The following ODAPH variants were observed in gnomAD, a reference collection of about 807,000 sequenced individuals.
ODAPH encodes the protein amelogenesis imperfecta type IIA4.
In ODAPH, 2 loss-of-function variants were observed where a neutral mutation model predicts 2.8. The observed-to-expected ratio is 0.72, with a 90% CI of 0.30 to 2.28. The LOEUF (loss-of-function observed/expected upper bound fraction) is 2.28. Ranked by LOEUF, ODAPH falls within the 30% of genes most tolerant of loss-of-function variation. The pLI, the probability that ODAPH is intolerant of heterozygous loss-of-function variation, is 0.13. For synonymous variants in ODAPH, 75 were observed against 60.3 expected, an observed-to-expected ratio of 1.24 and a Z score of -1.13; for missense variants, 159 against 163.3, an observed-to-expected ratio of 0.97 and a Z score of 0.14.
At chr4:75,560,572 T>C (rs1727520029) in intron 1 of ODAPH, among the ~76,000 whole-genome samples, 1 of 152,212 alleles carries the variant, frequency 6.6e-6, no homozygotes, top group African/African-American at 2.4e-5. Context: ...AGGATCACCA[T>C]AGGTCTAGTT....
intron 1 of ODAPH, among the ~76,000 whole-genome samples, chr4:75,557,413 G>T (rs1429492529): frequency 6.6e-6 from 1 of 152,186 alleles, no homozygotes; most frequent in Non-Finnish European, 1.5e-5. Flanking sequence ...GCCGAGGTGG[G>T]CAGATCACCT....
chr4:75,563,993 A>C (rs1343923879), intron 1 of ODAPH, 121 bp from the exon 2 acceptor site: 4 of 875,286 alleles, frequency 4.6e-6, no homozygotes, highest in Non-Finnish European at 7.2e-6. Context: ...CAGTTCTTTC[A>C]AATATACATT....
intron 1 of ODAPH, among the ~76,000 whole-genome samples, chr4:75,561,451 A>ACAC (rs1560561089): frequency 6.6e-6 from 1 of 152,170 alleles, no homozygotes; most frequent in African/African-American, 2.4e-5. Context: ...CAAGGAACAG[A>ACAC]CACCCATTCA....
chr4:75,565,708 C>T (rs1319791835), downstream of ODAPH: 1 of 151,920 alleles, frequency 6.6e-6, no homozygotes, highest in Non-Finnish European at 1.5e-5. Flanking sequence ...GCACTTTTTC[C>T]TCCCAAGATC....
rs1462389593 is a variant in ODAPH, at chr4:75,556,086, G to T, written c.4G>T (p.Ala2Ser). The T allele has an allele frequency of 4.3e-6, 7 of 1,614,114 alleles. No homozygotes were observed. The highest frequency in any genetic ancestry group is 5.9e-6 in the Non-Finnish European group (7 of 1,179,978). ...CAGTGACTGCTCAGTAGAAGCCATG[G>T]CTCGCAGACACTGCTTCTCCTACTG... M[A>S]RRHCFSYWLL... The change falls in exon 1 of 2, where the codon GCT (alanine) becomes TCT (serine). Residue 2 changes from alanine to serine, a missense_variant. Physicochemically the swap from Ala to Ser is moderately conservative, Grantham distance 99. Transcript: ENST00000311623.
At chr4:75,565,324 A>G (rs1040706163), downstream of ODAPH, 2 of 152,160 alleles carry the variant, frequency 1.3e-5, no homozygotes, top group African/African-American at 4.8e-5. Flanking sequence ...AAACTATAGT[A>G]TCTAAATTTA....
chr4:75,557,844 A>T (rs1427543841), intron 1 of ODAPH, among the ~76,000 whole-genome samples: 1 of 152,178 alleles, frequency 6.6e-6, no homozygotes, highest in African/African-American at 2.4e-5. Flanking sequence ...TCACTGATGC[A>T]CGGCAGCAAC....
intron 1 of ODAPH, among the ~76,000 whole-genome samples, chr4:75,561,993 A>G (rs1346542441): frequency 6.6e-6 from 1 of 152,016 alleles, no homozygotes; most frequent in Non-Finnish European, 1.5e-5. Flanking sequence ...TCAACATTCC[A>G]CAGGACAAAA....
chr4:75,562,968 A>C, intron 1 of ODAPH, among the ~76,000 whole-genome samples: 1 of 70,574 alleles, frequency 1.4e-5, no homozygotes, highest in Admixed American at 1.5e-4. Flanking sequence ...AATTTTCTTT[A>C]TTTAGTTATA....
chr4:75,556,520 C>T (rs17000647), intron 1 of ODAPH: 26 of 1,530,664 alleles, frequency 1.7e-5, no homozygotes, highest in Non-Finnish European at 1.9e-5. Flanking sequence ...ACAAAGCTAA[C>T]AATTCCACTT....
intron 1 of ODAPH, among the ~76,000 whole-genome samples, chr4:75,556,870 TTA>T (rs1333146764): frequency 6.6e-5 from 10 of 152,214 alleles, no homozygotes; most frequent in African/African-American, 9.6e-5. Context: ...TTTCTTCAGT[TTA>T]TTTTAATTCC....
In ODAPH at chr4:75,564,614, T is replaced by A. The variant is rs1727742898; in HGVS notation, c.*175T>A. The A allele has an allele frequency of 2.2e-5, 31 of 1,414,634 alleles. No individual in the cohort carries two copies. Among genetic ancestry groups the A allele is most frequent in the Non-Finnish European group, 2.8e-5 (30 of 1,058,308 alleles). 87.6% of individuals were successfully genotyped at this position (1,414,634 alleles called of 1,614,324 possible). On this transcript the variant is annotated 3_prime_UTR_variant, in exon 2 of 2. Transcript: ENST00000311623. Reference sequence around the variant, plus strand: ...CTTTGTCAGCAGTGAAGATATTGGATCATAGGTTATTGATGGTTGCAAAAT... The same window carrying A: ...CTTTGTCAGCAGTGAAGATATTGGAACATAGGTTATTGATGGTTGCAAAAT...
At chr4:75,563,039 T>TGAGACAGAG (rs1727651319) in intron 1 of ODAPH, among the ~76,000 whole-genome samples, 1 of 84,592 alleles carries the variant, frequency 1.2e-5, no homozygotes, top group African/African-American at 5.8e-5. Context: ...TTTTTTTTTT[T>TGAGACAGAG]TTTGAGACAG....
rs1457580407 is a variant in ODAPH, at chr4:75,563,029, T to G, written c.68-1085T>G. Among the ~76,000 whole-genome samples, 193 of 119,370 alleles carry G rather than the reference T, an allele frequency of 1.6e-3. 2 individuals carry two copies. Among genetic ancestry groups the G allele is most frequent in the African/African-American group, 5.8e-3 (182 of 31,534 alleles). The allele number at this position is 119,370 out of a possible 152,430, so 78.3% of individuals were successfully genotyped here. A position where few individuals can be genotyped will look rare whatever the true frequency, so the allele number is the denominator to read the frequency against. On this transcript the variant is annotated intron_variant, in intron 1 of 1. Transcript: ENST00000311623. ...TCTTTTTTTTTTTTTTTTTTTTTTT[T>G]TTTTTTTTTTTTTGAGACAGAGTCT...
chr4:75,562,674 A>T (rs13127779), intron 1 of ODAPH, among the ~76,000 whole-genome samples: 36,786 of 152,064 alleles, frequency 0.24, 4,655 homozygotes, highest in African/African-American at 0.3. Context: ...TGTATATGTA[A>T]GCCTCTAAGG....
At chr4:75,557,169 A>C (rs1727368730) in intron 1 of ODAPH, among the ~76,000 whole-genome samples, 1 of 152,234 alleles carries the variant, frequency 6.6e-6, no homozygotes, top group South Asian at 2.1e-4. Flanking sequence ...CCATATCCCA[A>C]GGCAAGGCCC....
chr4:75,556,496 T>A, intron 1 of ODAPH: 1 of 1,475,804 alleles, frequency 6.8e-7, no homozygotes, highest in Non-Finnish European at 9.2e-7. Flanking sequence ...GTACAAATAC[T>A]AGTTATTATG....
At chr4:75,562,831 T>C (rs1727634640) in intron 1 of ODAPH, among the ~76,000 whole-genome samples, 1 of 152,154 alleles carries the variant, frequency 6.6e-6, no homozygotes, top group African/African-American at 2.4e-5. Context: ...GTGCTCTTTC[T>C]CCTGCTGCTT....
rs566231299 is a variant in ODAPH, at chr4:75,562,990, A to G, written c.68-1124A>G. On this transcript the variant is annotated intron_variant, in intron 1 of 1. Transcript: ENST00000311623. ...TTTATTTAGTTATAATTTACATGCA[A>G]TAAAATCCACACATCTTTTTTTTTT... 1.2e-3 allele frequency among the ~76,000 whole-genome samples: 175 copies of G among 143,442 alleles called. No homozygotes were observed. The highest frequency in any genetic ancestry group is 2.0e-3 in the Non-Finnish European group (129 of 66,032). 94.1% of individuals were successfully genotyped at this position (143,442 alleles called of 152,430 possible). A position where few individuals can be genotyped will look rare whatever the true frequency, so the allele number is the denominator to read the frequency against.
Sources: allele counts gnomAD v4.1 joint callset (sites outside exome capture counted in the v4.1 genomes callset), GRCh38; gene constraint gnomAD v4.1.1; transcripts MANE v1.5; gene names NCBI Gene and HGNC (gene_info 2026-07-23, HGNC 2026-07-21).